PLEKHD1: variants seen among roughly 807,000 people sequenced by gnomAD.
PLEKHD1 encodes pleckstrin homology and coiled-coil domain containing D1, also known as pleckstrin homology domain-containing family D member 1.
PLEKHD1 carries 51 observed loss-of-function variants against 69.2 expected under a neutral mutation model. The ratio of observed to expected loss-of-function variants is 0.74; its 90% CI spans 0.59 to 0.93. PLEKHD1 has a LOEUF of 0.93. Ranked by LOEUF, PLEKHD1 falls within the 40% of genes least tolerant of loss-of-function variation. PLEKHD1 has a pLI of 0.00. For synonymous variants in PLEKHD1, 236 were observed against 244.7 expected (o/e 0.96, Z 0.33); for missense variants, 584 against 641.0 (o/e 0.91, Z 0.96).
At chr14:69,498,032 G>GTTTT (rs1555337181) in intron 1 of PLEKHD1, among the ~76,000 whole-genome samples, 3 of 137,040 alleles carry the variant, frequency 2.2e-5, no homozygotes, top group African/African-American at 8.0e-5. Context: ...ATTTTATTTT[G>GTTTT]TTTTATTTTA....
chr14:69,498,588 T>TTCTCTTCTC (rs1882943270), intron 1 of PLEKHD1, among the ~76,000 whole-genome samples: 2 of 108,704 alleles, frequency 1.8e-5, no homozygotes, highest in East Asian at 3.2e-4. Context: ...TTCTTTTTGT[T>TTCTCTTCTC]TTCTCTTCTC....
intron 11 of PLEKHD1, 122 bp from the exon 12 acceptor site, chr14:69,527,661 A>C: frequency 1.8e-5 from 23 of 1,257,640 alleles, no homozygotes; most frequent in Non-Finnish European, 2.3e-5. Context: ...TGGCTCTGGA[A>C]TCTCGAGGGA....
At chr14:69,517,569 G>T (rs1364431794) in intron 6 of PLEKHD1, among the ~76,000 whole-genome samples, 3 of 152,218 alleles carry the variant, frequency 2.0e-5, no homozygotes, top group Admixed American at 6.5e-5. Context: ...TCCATGGTAG[G>T]GCTGTTGGGA....
intron 6 of PLEKHD1, among the ~76,000 whole-genome samples, chr14:69,506,644 T>C (rs1379728328): frequency 6.6e-6 from 1 of 152,208 alleles, no homozygotes; most frequent in Non-Finnish European, 1.5e-5. Context: ...ATAACACTTG[T>C]TCCCCACAGG....
intron 1 of PLEKHD1, among the ~76,000 whole-genome samples, chr14:69,498,653 C>CTTCTCTTCTCTTCTG (rs1882950995): frequency 7.2e-6 from 1 of 138,336 alleles, no homozygotes; most frequent in Non-Finnish European, 1.6e-5. Flanking sequence ...CTTCTCTTCT[C>CTTCTCTTCTCTTCTG]TTCTCTTCTT....
intron 6 of PLEKHD1, among the ~76,000 whole-genome samples, chr14:69,509,294 C>T (rs1883219309): frequency 6.6e-6 from 1 of 152,120 alleles, no homozygotes. Flanking sequence ...ATGTTTTCTC[C>T]TAGTTTGTGA....
chr14:69,525,488 G>T (rs183670489), intron 8 of PLEKHD1, among the ~76,000 whole-genome samples: 82 of 152,236 alleles, frequency 5.4e-4, no homozygotes, highest in Non-Finnish European at 7.6e-4. Context: ...GAGGTGGGGT[G>T]GGGGGTGGTT....
intron 6 of PLEKHD1, among the ~76,000 whole-genome samples, chr14:69,512,308 T>C (rs1215757875): frequency 6.6e-6 from 1 of 152,156 alleles, no homozygotes; most frequent in East Asian, 1.9e-4. Flanking sequence ...GTTAGAGTCT[T>C]ATGAATTTTA....
intron 6 of PLEKHD1, among the ~76,000 whole-genome samples, chr14:69,514,574 T>C (rs2139520126): frequency 6.6e-6 from 1 of 152,364 alleles, no homozygotes; most frequent in South Asian, 2.1e-4. Context: ...TCTAATCTGG[T>C]TCTGATGCTT....
intron 6 of PLEKHD1, among the ~76,000 whole-genome samples, chr14:69,516,361 T>C (rs946022050): frequency 6.6e-6 from 1 of 152,180 alleles, no homozygotes; most frequent in Non-Finnish European, 1.5e-5. Flanking sequence ...GTGCTTTTCA[T>C]TTTAGCCTTT....
Position 69,531,425 on chromosome 14 carries a change from A to G in PLEKHD1, c.*3006A>G, listed in dbSNP as rs994151283. ...TAGCACTGTAAATAGAAAAATAGCAACATCTCTATATCAAAATACGTAGGA... is the reference window on the plus strand; with the variant it reads ...TAGCACTGTAAATAGAAAAATAGCAGCATCTCTATATCAAAATACGTAGGA... On this transcript the variant is annotated 3_prime_UTR_variant, in exon 13 of 13. Transcript: ENST00000322564. 3 of 152,240 alleles carry G rather than the reference A, an allele frequency of 2.0e-5. No homozygotes were observed. The East Asian group carries it at 5.8e-4, about 29-fold the overall frequency. The allele number at this position is 152,240 out of a possible 1,614,324, so 9.4% of individuals were successfully genotyped here.
chr14:69,518,101 G>A (rs1594989530), intron 6 of PLEKHD1, among the ~76,000 whole-genome samples: 1 of 151,792 alleles, frequency 6.6e-6, no homozygotes, highest in African/African-American at 2.4e-5. Context: ...GCATGATCTC[G>A]GCTCACTGCA....
intron 4 of PLEKHD1, chr14:69,501,424 G>A: frequency 5.9e-6 from 2 of 341,506 alleles, no homozygotes; most frequent in South Asian, 7.7e-5. Context: ...CCTTGCACTG[G>A]GTAGCGGACA....
At chr14:69,491,517 T>A (rs999339644) in intron 1 of PLEKHD1, among the ~76,000 whole-genome samples, 5 of 152,206 alleles carry the variant, frequency 3.3e-5, no homozygotes, top group African/African-American at 7.2e-5. Context: ...TTTCACTCTG[T>A]TAAGCAAAGC....
chr14:69,498,957 G>A (rs903842351), intron 1 of PLEKHD1, among the ~76,000 whole-genome samples: 6 of 152,092 alleles, frequency 3.9e-5, no homozygotes, highest in African/African-American at 1.4e-4. Flanking sequence ...CAGCCTCACT[G>A]GCAAGTTTTC....
chr14:69,500,903 T>C lies in PLEKHD1; in HGVS notation c.366T>C (p.Phe122=), dbSNP rs1209683371. The C allele has an allele frequency of 1.3e-6, 2 of 1,551,654 alleles. No homozygotes were observed. The highest frequency in any genetic ancestry group is 8.7e-7 in the Non-Finnish European group (1 of 1,146,992). The stretch of plus-strand genomic sequence containing the variant: ...TCTTGCTTGCTGCTGAGTCGGAGTT[T>C]GAGCAGACCCAGTGGCTGGAGATGC... The part of the protein sequence containing the change: ...GNILLAAESE[F]EQTQWLEMLQ... Residue 122 remains phenylalanine (F), a synonymous_variant, in exon 4 of 13, where the codon TTT becomes TTC. Coordinates refer to ENST00000322564, the MANE Select transcript of PLEKHD1 (RefSeq NM_001161498.2).
chr14:69,495,161 C>T (rs780958837), intron 1 of PLEKHD1, among the ~76,000 whole-genome samples: 2 of 152,202 alleles, frequency 1.3e-5, no homozygotes, highest in African/African-American at 2.4e-5. Context: ...TTTATGCTGT[C>T]CTTCAGAAGC....
the PLEKHD1 span, among the ~76,000 whole-genome samples, chr14:69,478,872 C>A: frequency 6.6e-6 from 1 of 152,194 alleles, no homozygotes; most frequent in South Asian, 2.1e-4. Context: ...GTTCCAAAGT[C>A]ACTTCCACAT....
rs573263189 is a variant in PLEKHD1, at chr14:69,525,486, G to A, written c.745-458G>A. On this transcript the variant is annotated intron_variant, in intron 8 of 12. Transcript: ENST00000322564. ...AGGACATCTTTTTTTTGGAGGTGGG[G>A]TGGGGGGTGGTTTGGGGACAGGTTC... is the stretch of plus-strand genomic sequence containing the variant. 2.0e-5 allele frequency among the ~76,000 whole-genome samples: 3 copies of A among 152,200 alleles called. No homozygotes were observed. The South Asian group carries it at 6.2e-4, about 32-fold the overall frequency.
Sources: allele counts gnomAD v4.1 joint callset (sites outside exome capture counted in the v4.1 genomes callset), GRCh38; gene constraint gnomAD v4.1.1; transcripts MANE v1.5; gene names NCBI Gene and HGNC (gene_info 2026-07-23, HGNC 2026-07-21).